ZNF846: variants seen among roughly 807,000 people sequenced by gnomAD.
ZNF846 encodes zinc finger protein 420 pseudogene.
Under a neutral mutation model 16.0 loss-of-function variants are expected in ZNF846, and 15 were observed. The observed-to-expected ratio is 0.94, with a 90% CI of 0.63 to 1.45. The LOEUF (loss-of-function observed/expected upper bound fraction) is 1.45. ZNF846 is among the 40% of genes most tolerant of loss of function. The pLI is 0.00. For missense variants in ZNF846, 714 were observed against 622.3 expected, an observed-to-expected ratio of 1.15 and a Z score of -1.57; for synonymous variants, 229 against 212.0, an observed-to-expected ratio of 1.08 and a Z score of -0.70.
Position 9,763,496 on chromosome 19 carries a change from G to T in ZNF846, c.16-88C>A, listed in dbSNP as rs2045265032. 5 of 1,277,936 alleles carry T rather than the reference G, an allele frequency of 3.9e-6. No homozygotes were observed. In the South Asian group the frequency reaches 5.3e-5, roughly 14 times the overall value. The allele number at this position is 1,277,936 out of a possible 1,614,324, so 79.2% of individuals were successfully genotyped here. On this transcript the variant is annotated intron_variant, in intron 2 of 5. Transcript: ENST00000397902. ...ATGCATGAAGGACTAAGGAAGACTA[G>T]AAGCCTGCAGTACTCCCAGGCCTCA...
At chr19:9,756,343 G>GTA (rs1190301971), downstream of ZNF846, 988 of 70,926 alleles carry the variant, frequency 0.014, 5 homozygotes, top group Middle Eastern at 0.037. Context: ...GTGTGTGTGT[G>GTA]TGTATATATA....
At chr19:9,774,839 C>T in intron 1 of ZNF846, 2 of 1,609,224 alleles carry the variant, frequency 1.2e-6, no homozygotes, top group Non-Finnish European at 1.7e-6. Context: ...GGTGAATGAC[C>T]CCCAGCCCGA....
intron 1 of ZNF846, among the ~76,000 whole-genome samples, chr19:9,781,310 G>T (rs923657199): frequency 3.3e-5 from 5 of 152,060 alleles, no homozygotes; most frequent in African/African-American, 1.2e-4. Flanking sequence ...ATTTTTAGGA[G>T]AGATGGGGTT....
At chr19:9,758,494 C>T in exon 6 of ZNF846, 1 of 1,613,552 alleles carries the variant, frequency 6.2e-7, no homozygotes, top group Non-Finnish European at 8.5e-7. Flanking sequence ...CACAATTTCT[C>T]TTGTGTGTGA....
At chr19:9,771,827 G>A (rs779607610), upstream of ZNF846, among the ~76,000 whole-genome samples, 6 of 151,634 alleles carry the variant, frequency 4.0e-5, no homozygotes, top group Non-Finnish European at 7.4e-5. Context: ...GGAGTGCAGT[G>A]GCCTATCTTG....
intron 1 of ZNF846, among the ~76,000 whole-genome samples, chr19:9,782,201 T>C (rs1355593139): frequency 6.6e-6 from 1 of 152,214 alleles, no homozygotes; most frequent in East Asian, 1.9e-4. Flanking sequence ...GCACTAGCCC[T>C]TGTGACTAGT....
At chr19:9,765,659 CA>C (rs1487092485) in intron 1 of ZNF846, among the ~76,000 whole-genome samples, 1 of 152,118 alleles carries the variant, frequency 6.6e-6, no homozygotes, top group African/African-American at 2.4e-5. Context: ...GGTGACAGAG[CA>C]AGACTCCATC....
At chr19:9,758,422 A>T (rs2045169034) in exon 6 of ZNF846, 1 of 1,612,966 alleles carries the variant, frequency 6.2e-7, no homozygotes. Context: ...CCATTGTGAG[A>T]TCTTATATGT....
At chr19:9,759,825 C>T in intron 5 of ZNF846, 35 bp downstream of exon 5, 1 of 1,498,726 alleles carries the variant, frequency 6.7e-7, no homozygotes, top group Non-Finnish European at 9.2e-7. Context: ...GCTTCTTGTC[C>T]TAGTGTGGAA....
At chr19:9,757,397 G>C (rs968838851), downstream of ZNF846, 4 of 1,178,050 alleles carry the variant, frequency 3.4e-6, no homozygotes, top group Non-Finnish European at 4.8e-6. Context: ...ATTCAGTGAA[G>C]GTTGTTCATA....
At chr19:9,777,734 T>C (rs569379950) in intron 1 of ZNF846, among the ~76,000 whole-genome samples, 1 of 151,968 alleles carries the variant, frequency 6.6e-6, no homozygotes, top group Non-Finnish European at 1.5e-5. Context: ...CGATGGTTCA[T>C]ACCTGTCATT....
chr19:9,754,791 T>C (rs2045118119), downstream of ZNF846, among the ~76,000 whole-genome samples: 1 of 151,390 alleles, frequency 6.6e-6, no homozygotes, highest in South Asian at 2.1e-4. Context: ...GTTGATTTGT[T>C]TTTTTAGTGA....
At chr19:9,770,952 G>GGTTT, upstream of ZNF846, among the ~76,000 whole-genome samples, 1 of 152,002 alleles carries the variant, frequency 6.6e-6, no homozygotes, top group East Asian at 1.9e-4. Context: ...AATGGAAAAA[G>GGTTT]GTTTATTTAT....
intron 1 of ZNF846, among the ~76,000 whole-genome samples, chr19:9,775,193 A>ATATGTGTG (rs144403603): frequency 2.7e-5 from 4 of 149,420 alleles, no homozygotes; most frequent in African/African-American, 9.9e-5. Flanking sequence ...GTGTATATAT[A>ATATGTGTG]TGTGTGTGTG....
In ZNF846 at chr19:9,775,475, G is replaced by A. The variant is rs572624334; in HGVS notation, c.-85-10440C>T. Among the ~76,000 whole-genome samples, 6 of 152,242 alleles carry A rather than the reference G, an allele frequency of 3.9e-5. No individual in the cohort carries two copies. The East Asian group carries it at 9.6e-4, about 24-fold the overall frequency. On this transcript the variant is annotated intron_variant, in intron 1 of 4. Transcript: ENST00000586814. ...AGATCCAGGAACATATGGGAATTCA[G>A]TTCAGAAAGGTGGTATTTCAGATCA...
chr19:9,770,615 C>A (rs977984429), upstream of ZNF846, among the ~76,000 whole-genome samples: 1 of 151,842 alleles, frequency 6.6e-6, no homozygotes, highest in African/African-American at 2.4e-5. Context: ...CACCTGTAAT[C>A]CCAGCATTTT....
intron 1 of ZNF846, among the ~76,000 whole-genome samples, chr19:9,766,692 A>G (rs141437595): frequency 6.6e-6 from 1 of 151,868 alleles, no homozygotes; most frequent in Non-Finnish European, 1.5e-5. Flanking sequence ...CCTGGCCAAC[A>G]TGGTGAAACC....
upstream of ZNF846, among the ~76,000 whole-genome samples, chr19:9,773,607 T>C (rs537461507): frequency 6.5e-3 from 981 of 151,894 alleles, 7 homozygotes; most frequent in Non-Finnish European, 0.011. Flanking sequence ...CATGGTGAAA[T>C]CCCGTCTCTA....
chr19:9,749,799 C>T (rs1319829399), downstream of ZNF846, among the ~76,000 whole-genome samples: 1 of 152,138 alleles, frequency 6.6e-6, no homozygotes, highest in Non-Finnish European at 1.5e-5. Context: ...TCTGAACCTT[C>T]TTTAATAGCC....
Sources: gnomAD v4.1 joint callset for allele counts (sites outside exome capture counted in the v4.1 genomes callset) on GRCh38, gnomAD v4.1.1 for gene constraint, MANE v1.5 for transcripts, NCBI Gene and HGNC (gene_info 2026-07-23, HGNC 2026-07-21) for gene names.